SMYD3: variants seen among roughly 807,000 people sequenced by gnomAD.
The protein encoded by SMYD3 is histone-lysine N-methyltransferase SMYD3.
Under a neutral mutation model 57.7 loss-of-function variants are expected in SMYD3, and 36 were observed. That is an observed-to-expected ratio of 0.62 (90% CI 0.48 to 0.82). SMYD3 has a LOEUF of 0.82. Among genes scored for constraint, SMYD3 ranks in the 40% least tolerant of loss-of-function variants. The pLI is 0.00. For synonymous variants in SMYD3, 211 were observed against 195.0 expected, an observed-to-expected ratio of 1.08 and a Z score of -0.68; for missense variants, 515 against 538.8, an observed-to-expected ratio of 0.96 and a Z score of 0.44.
chr1:246,062,236 C>T (rs540948655), intron 5 of SMYD3, among the ~76,000 whole-genome samples: 1 of 152,204 alleles, frequency 6.6e-6, no homozygotes, highest in East Asian at 1.9e-4. Flanking sequence ...AAAAAATCCA[C>T]AGAATATTTC....
chr1:246,292,744 GA>G (rs1262391165), intron 5 of SMYD3, among the ~76,000 whole-genome samples: 2 of 152,126 alleles, frequency 1.3e-5, no homozygotes, highest in Non-Finnish European at 2.9e-5. Flanking sequence ...CCTATTACTT[GA>G]GAGCATTTGG....
At chr1:246,386,607 T>C (rs974805533) in intron 1 of SMYD3, among the ~76,000 whole-genome samples, 2 of 150,676 alleles carry the variant, frequency 1.3e-5, no homozygotes, top group African/African-American at 2.4e-5. Flanking sequence ...TCCTGGCCAA[T>C]AGTGAGATTT....
At chr1:246,014,446 A>T (rs553959965) in intron 5 of SMYD3, among the ~76,000 whole-genome samples, 1 of 152,308 alleles carries the variant, frequency 6.6e-6, no homozygotes, top group South Asian at 2.1e-4. Context: ...GGGTTTCATG[A>T]AACAGCATGA....
chr1:245,980,135 G>T lies in SMYD3; in HGVS notation c.532-50198C>A, dbSNP rs145057684. Among the ~76,000 whole-genome samples the T allele has an allele frequency of 6.2e-4, 94 of 152,332 alleles. 1 individual carries two copies. The highest frequency in any genetic ancestry group is 2.0e-3 in the African/African-American group (85 of 41,580). ...TGGGAAGCCTGCTGAATTACAACGA[G>T]GGGGAGAACTCAGCAACCCAAGCGG... On this transcript the variant is annotated intron_variant, in intron 5 of 11. Coordinates refer to ENST00000490107, the MANE Select transcript of SMYD3 (RefSeq NM_001167740.2).
In SMYD3 at chr1:245,904,502, C is replaced by A. The variant is rs529502113; in HGVS notation, c.813+11028G>T. Among the ~76,000 whole-genome samples, 3 of 152,276 alleles carry A rather than the reference C, an allele frequency of 2.0e-5. No individual in the cohort carries two copies. In the South Asian group the frequency reaches 6.2e-4, roughly 32 times the overall value. On this transcript the variant is annotated intron_variant, in intron 8 of 11. Transcript: ENST00000490107. ...GTCCTGTTAGAGGAGAAAGGAAAAGCAAACCAAACTCACCTGATGTTGCCC... is the reference window on the plus strand; with the variant it reads ...GTCCTGTTAGAGGAGAAAGGAAAAGAAAACCAAACTCACCTGATGTTGCCC...
At chr1:246,175,046 AT>A (rs2062410212) in intron 5 of SMYD3, among the ~76,000 whole-genome samples, 1 of 152,192 alleles carries the variant, frequency 6.6e-6, no homozygotes, top group Non-Finnish European at 1.5e-5. Flanking sequence ...AAATATACAC[AT>A]TTTATCATTT....
chr1:246,186,588 T>A (rs2062644201), intron 5 of SMYD3, among the ~76,000 whole-genome samples: 1 of 152,154 alleles, frequency 6.6e-6, no homozygotes, highest in South Asian at 2.1e-4. Context: ...AGAATTCTTG[T>A]TTAATTGCTA....
intron 5 of SMYD3, among the ~76,000 whole-genome samples, chr1:246,192,176 G>C (rs1302275602): frequency 6.6e-6 from 1 of 152,112 alleles, no homozygotes; most frequent in African/African-American, 2.4e-5. Flanking sequence ...ATAGCTCACT[G>C]TAGCCTTGAA....
chr1:245,974,339 A>C (rs2058373294), intron 5 of SMYD3, among the ~76,000 whole-genome samples: 1 of 152,154 alleles, frequency 6.6e-6, no homozygotes, highest in African/African-American at 2.4e-5. Flanking sequence ...AGTATTATAA[A>C]ACCTTCCCCC....
intron 1 of SMYD3, among the ~76,000 whole-genome samples, chr1:246,374,627 A>G (rs1413690994): frequency 6.6e-6 from 1 of 152,176 alleles, no homozygotes; most frequent in South Asian, 2.1e-4. Flanking sequence ...CTGAGGCATA[A>G]GTTATGGTGC....
chr1:245,911,092 A>T (rs2054939380), intron 8 of SMYD3, among the ~76,000 whole-genome samples: 1 of 152,172 alleles, frequency 6.6e-6, no homozygotes, highest in Non-Finnish European at 1.5e-5. Flanking sequence ...AATTCATAGA[A>T]ATGGCCAACA....
chr1:245,927,481 C>T (rs1246286248), intron 7 of SMYD3, among the ~76,000 whole-genome samples: 1 of 152,232 alleles, frequency 6.6e-6, no homozygotes, highest in African/African-American at 2.4e-5. Context: ...ACAAAGTTAA[C>T]ATGCATCATT....
intron 5 of SMYD3, among the ~76,000 whole-genome samples, chr1:246,092,925 A>G (rs998885834): frequency 4.7e-5 from 7 of 150,440 alleles, no homozygotes; most frequent in Non-Finnish European, 8.8e-5. Context: ...AAAAGCAGGA[A>G]AAAAAAAACA....
intron 5 of SMYD3, among the ~76,000 whole-genome samples, chr1:246,207,242 A>G (rs1400421465): frequency 6.6e-6 from 1 of 152,012 alleles, no homozygotes; most frequent in African/African-American, 2.4e-5. Flanking sequence ...TGTGTAGGTC[A>G]TTCATATGTT....
intron 5 of SMYD3, among the ~76,000 whole-genome samples, chr1:246,277,030 G>T (rs1440481816): frequency 6.6e-6 from 1 of 152,210 alleles, no homozygotes; most frequent in Non-Finnish European, 1.5e-5. Context: ...AATCTCATAT[G>T]TCTAATATGG....
Position 246,317,317 on chromosome 1 carries a change from T to C in SMYD3, c.531+9884A>G, listed in dbSNP as rs180916688. 1.4e-4 allele frequency among the ~76,000 whole-genome samples: 22 copies of C among 152,364 alleles called. 1 individual carries two copies. Among genetic ancestry groups the C allele is most frequent in the Admixed American group, 1.3e-3 (20 of 15,310 alleles). The stretch of plus-strand genomic sequence containing the variant: ...AAATAACAAAGTATTTCCGATCCTT[T>C]TTTAAGTAGAGAATTTTCTCCCAGC... On this transcript the variant is annotated intron_variant, in intron 5 of 11. Transcript: ENST00000490107.
At chr1:245,967,651 T>C (rs1218926211) in intron 5 of SMYD3, among the ~76,000 whole-genome samples, 1 of 152,196 alleles carries the variant, frequency 6.6e-6, no homozygotes, top group Non-Finnish European at 1.5e-5. Context: ...TTAGTTCAAC[T>C]GGAAGGTTCA....
chr1:246,162,872 C>A (rs1191037157), intron 5 of SMYD3, among the ~76,000 whole-genome samples: 1 of 152,126 alleles, frequency 6.6e-6, no homozygotes, highest in Non-Finnish European at 1.5e-5. Flanking sequence ...AGAGCACAAC[C>A]AACTTAATAT....
chr1:246,310,519 T>C (rs2065058150), intron 5 of SMYD3, among the ~76,000 whole-genome samples: 1 of 152,184 alleles, frequency 6.6e-6, no homozygotes, highest in African/African-American at 2.4e-5. Flanking sequence ...AATGGACATG[T>C]CTAAGAGAGT....
Sources: allele counts gnomAD v4.1 joint callset (sites outside exome capture counted in the v4.1 genomes callset), GRCh38; gene constraint gnomAD v4.1.1; transcripts MANE v1.5; gene names NCBI Gene and HGNC (gene_info 2026-07-23, HGNC 2026-07-21).